The following GUCY1A2 variants were observed in gnomAD, a reference collection of about 807,000 sequenced individuals.
GUCY1A2 encodes the protein guanylate cyclase soluble subunit alpha-2.
A neutral mutation model predicts 63.5 loss-of-function variants in GUCY1A2; 27 were observed. The observed-to-expected ratio is 0.43, with a 90% confidence interval of 0.31 to 0.59. GUCY1A2 has a LOEUF of 0.59. Among genes scored for constraint, GUCY1A2 ranks in the 20% least tolerant of loss-of-function variants. GUCY1A2 has a pLI of 0.11. For synonymous variants in GUCY1A2, 364 were observed against 343.5 expected (o/e 1.06, Z -0.66); for missense variants, 768 against 913.3 (o/e 0.84, Z 2.05).
chr11:106,942,546 T>C (rs1591336685), intron 3 of GUCY1A2, among the ~76,000 whole-genome samples: 1 of 152,206 alleles, frequency 6.6e-6, no homozygotes, highest in Admixed American at 6.5e-5. Flanking sequence ...ATATTCCGTG[T>C]GTCACTGAAA....
chr11:106,832,231 C>T (rs1322916989), intron 4 of GUCY1A2, among the ~76,000 whole-genome samples: 1 of 152,070 alleles, frequency 6.6e-6, no homozygotes, highest in Non-Finnish European at 1.5e-5. Flanking sequence ...GTTTTAAAGC[C>T]TTTCAAGTAT....
At chr11:106,895,044 T>G (rs1012016769) in intron 4 of GUCY1A2, among the ~76,000 whole-genome samples, 1 of 152,054 alleles carries the variant, frequency 6.6e-6, no homozygotes, top group African/African-American at 2.4e-5. Context: ...GGATACAAAT[T>G]AATAAGACCA....
chr11:106,732,790 C>T lies in GUCY1A2; in HGVS notation c.1837-24124G>A, dbSNP rs147621656. 8.9e-3 allele frequency among the ~76,000 whole-genome samples: 1,360 copies of T among 152,068 alleles called. 11 individuals are homozygous for T. Among genetic ancestry groups the T allele is most frequent in the Non-Finnish European group, 0.014 (926 of 67,976 alleles). On this transcript the variant is annotated intron_variant, in intron 6 of 7. Transcript: ENST00000526355. ...CATTTGTGAACATATACACACAAGG[C>T]AAATGGATGCAGAAGTCATTTCTTA... is the stretch of plus-strand genomic sequence containing the variant.
chr11:106,962,937 A>C (rs1437442423), intron 3 of GUCY1A2, among the ~76,000 whole-genome samples: 2 of 152,058 alleles, frequency 1.3e-5, no homozygotes, highest in African/African-American at 4.8e-5. Flanking sequence ...GGCAGTGGTA[A>C]TAATTTTGAC....
chr11:106,852,400 G>A (rs1859368292), intron 4 of GUCY1A2, among the ~76,000 whole-genome samples: 1 of 152,058 alleles, frequency 6.6e-6, no homozygotes, highest in African/African-American at 2.4e-5. Flanking sequence ...GTTCTTAGAG[G>A]AAAGGCTTTC....
chr11:106,874,161 A>G (rs905842021), intron 4 of GUCY1A2, among the ~76,000 whole-genome samples: 4 of 152,170 alleles, frequency 2.6e-5, no homozygotes, highest in Non-Finnish European at 2.9e-5. Flanking sequence ...TCTAATTAAT[A>G]TGTAATCAAA....
At chr11:106,910,790 A>T (rs1565328995) in intron 4 of GUCY1A2, among the ~76,000 whole-genome samples, 1 of 152,088 alleles carries the variant, frequency 6.6e-6, no homozygotes, top group Non-Finnish European at 1.5e-5. Context: ...TTGGCTGGGA[A>T]CTATTTCCTG....
intron 1 of GUCY1A2, among the ~76,000 whole-genome samples, chr11:106,998,862 T>C (rs1861574926): frequency 6.6e-6 from 1 of 152,112 alleles, no homozygotes; most frequent in African/African-American, 2.4e-5. Flanking sequence ...AAATGCTATA[T>C]ATTATTATTT....
intron 4 of GUCY1A2, among the ~76,000 whole-genome samples, chr11:106,909,355 C>CTGTGTGTGTGTGTGTGTGTGTG (rs59067320): frequency 0.031 from 3,752 of 119,868 alleles, 145 homozygotes; most frequent in East Asian, 0.042. Flanking sequence ...TGGTACTCAT[C>CTGTGTGTGTGTGTGTGTGTGTG]TGTGTGTGTG....
At chr11:106,705,152 C>G (rs1565262955) in intron 7 of GUCY1A2, among the ~76,000 whole-genome samples, 1 of 151,898 alleles carries the variant, frequency 6.6e-6, no homozygotes, top group Non-Finnish European at 1.5e-5. Flanking sequence ...AGAAAATATA[C>G]CGAAGTGTTG....
At chr11:106,700,019 G>T (rs1268996109) in intron 7 of GUCY1A2, among the ~76,000 whole-genome samples, 1 of 151,914 alleles carries the variant, frequency 6.6e-6, no homozygotes, top group African/African-American at 2.4e-5. Flanking sequence ...TCCTGACTTC[G>T]TGATCCGCCC....
chr11:106,782,977 A>G (rs968502847), intron 5 of GUCY1A2, among the ~76,000 whole-genome samples: 3 of 152,200 alleles, frequency 2.0e-5, no homozygotes, highest in Non-Finnish European at 4.4e-5. Flanking sequence ...ATGAAAATCT[A>G]CGTGATTGTG....
intron 6 of GUCY1A2, among the ~76,000 whole-genome samples, chr11:106,738,998 A>G (rs1158852199): frequency 6.6e-6 from 1 of 152,178 alleles, no homozygotes; most frequent in African/African-American, 2.4e-5. Flanking sequence ...GGCCATTTTC[A>G]TGATATTGAT....
intron 6 of GUCY1A2, among the ~76,000 whole-genome samples, chr11:106,732,288 A>G (rs929938979): frequency 2.0e-5 from 3 of 152,156 alleles, no homozygotes; most frequent in African/African-American, 7.2e-5. Context: ...AGGACTCCCT[A>G]TTTAATAAAT....
chr11:106,739,460 G>A (rs969127548), intron 6 of GUCY1A2, among the ~76,000 whole-genome samples: 1 of 152,152 alleles, frequency 6.6e-6, no homozygotes, highest in African/African-American at 2.4e-5. Context: ...CACTTACAGA[G>A]TGCCAGACAC....
At chr11:106,822,963 T>A (rs191275154) in intron 4 of GUCY1A2, among the ~76,000 whole-genome samples, 2,969 of 152,224 alleles carry the variant, frequency 0.02, 79 homozygotes, top group African/African-American at 0.066. Flanking sequence ...TTACTTTTTT[T>A]AAAAAATGTA....
At chr11:106,747,483 TGAG>T (rs1194815412) in intron 6 of GUCY1A2, among the ~76,000 whole-genome samples, 1 of 152,178 alleles carries the variant, frequency 6.6e-6, no homozygotes, top group Non-Finnish European at 1.5e-5. Flanking sequence ...TCTACTGCAA[TGAG>T]GAGAAGGCAA....
intron 1 of GUCY1A2, among the ~76,000 whole-genome samples, chr11:107,014,079 C>CTTTTTT (rs71044206): frequency 1.9e-4 from 13 of 70,024 alleles, no homozygotes; most frequent in Non-Finnish European, 3.0e-4. Context: ...CCATGTTTTC[C>CTTTTTT]TTTTTTTTTT....
chr11:106,864,143 A>G lies in GUCY1A2; in HGVS notation c.1207-53665T>C, dbSNP rs561444279. ...GATGGGTTGTTGGGTACAGCAAAAC[A>G]CCATGGCACGTGTATACCTATGTAA... is the stretch of plus-strand genomic sequence containing the variant. On this transcript the variant is annotated intron_variant, in intron 4 of 7. Coordinates refer to ENST00000526355, the MANE Select transcript of GUCY1A2 (RefSeq NM_000855.3). Among the ~76,000 whole-genome samples the G allele has an allele frequency of 2.0e-5, 3 of 151,994 alleles. No homozygotes were observed. In the East Asian group the frequency reaches 5.8e-4, roughly 30 times the overall value.
Sources: gnomAD v4.1 joint callset for allele counts (sites outside exome capture counted in the v4.1 genomes callset) on GRCh38, gnomAD v4.1.1 for gene constraint, MANE v1.5 for transcripts, NCBI Gene and HGNC (gene_info 2026-07-23, HGNC 2026-07-21) for gene names.